The following WIPF3 variants were observed in gnomAD, a reference collection of about 807,000 sequenced individuals.
WIPF3 encodes the protein WAS/WASL interacting protein family member 3, also known as WAS/WASL-interacting protein family member 3.
A neutral mutation model predicts 38.9 loss-of-function variants in WIPF3; 33 were observed. The ratio of observed to expected loss-of-function variants is 0.85; its 90% CI spans 0.64 to 1.14. The LOEUF (loss-of-function observed/expected upper bound fraction) is 1.14, where lower values mean the gene tolerates loss of function less well. Among genes scored for constraint, WIPF3 ranks in the 50% most tolerant of loss-of-function variants. The probability of loss-of-function intolerance (pLI) is 0.00; values close to 1 mark genes in which losing one functional copy is unlikely to be tolerated. For missense variants in WIPF3, 711 were observed against 652.5 expected, an observed-to-expected ratio of 1.09 and a Z score of -0.98; for synonymous variants, 324 against 269.3, an observed-to-expected ratio of 1.20 and a Z score of -1.99.
In WIPF3 at chr7:29,866,927, G is replaced by C. The variant is rs557477031; in HGVS notation, c.91-8903G>C. On this transcript the variant is annotated intron_variant, in intron 2 of 8. Transcript: ENST00000242140. Reference sequence around the variant, plus strand: ...GTGATGAAGAAAGCCAAACTTGCCTGTACTCACTGCTCAGCTCTGTACTTG... The same window carrying C: ...GTGATGAAGAAAGCCAAACTTGCCTCTACTCACTGCTCAGCTCTGTACTTG... Among the ~76,000 whole-genome samples, 31 of 152,360 alleles carry C rather than the reference G, an allele frequency of 2.0e-4. No homozygotes were observed. The South Asian group carries it at 5.2e-3, about 25-fold the overall frequency.
intron 2 of WIPF3, among the ~76,000 whole-genome samples, chr7:29,857,691 A>C (rs371045013): frequency 3.3e-5 from 5 of 152,122 alleles, no homozygotes; most frequent in African/African-American, 1.2e-4. Context: ...ATGACTGTGG[A>C]GCTTTAATGT....
At position 29,904,313 on chromosome 7, in the gene WIPF3, CGG is replaced by C; in HGVS notation, c.1380_1381del (p.Glu461SerfsTer7). 1 of 1,613,858 alleles carries C rather than the reference CGG, an allele frequency of 6.2e-7. No individual in the cohort carries two copies. Among genetic ancestry groups the C allele is most frequent in the Non-Finnish European group, 8.5e-7 (1 of 1,179,830 alleles). The stretch of plus-strand genomic sequence containing the variant: ...CGTACACCTGGTCCCTGGCTCCAAG[CGG>C]AAGCAGTCGGGCAGAGCTCTGATGA... On this transcript the variant is annotated frameshift_variant, in exon 8 of 9. Transcript: ENST00000242140. LOFTEE classifies it high-confidence loss of function.
intron 2 of WIPF3, among the ~76,000 whole-genome samples, chr7:29,838,332 G>A (rs1036762276): frequency 2.0e-5 from 3 of 152,036 alleles, no homozygotes; most frequent in African/African-American, 7.3e-5. Context: ...GTAAAAAATG[G>A]ACCTAGTTTC....
intron 1 of WIPF3, among the ~76,000 whole-genome samples, chr7:29,825,051 C>T (rs981651237): frequency 3.3e-5 from 5 of 152,100 alleles, no homozygotes; most frequent in Middle Eastern, 3.2e-3. Context: ...TTTTGGAGTA[C>T]GTACAACGTG....
chr7:29,807,709 G>T (rs1784305190), intron 1 of WIPF3, among the ~76,000 whole-genome samples: 1 of 152,354 alleles, frequency 6.6e-6, no homozygotes, highest in Admixed American at 6.5e-5. Flanking sequence ...CACTCAGGGC[G>T]CTTTGTAACT....
chr7:29,898,008 C>A (rs561026277), intron 7 of WIPF3, among the ~76,000 whole-genome samples: 1 of 152,286 alleles, frequency 6.6e-6, no homozygotes, highest in South Asian at 2.1e-4. Flanking sequence ...TCTTAGCCAA[C>A]ACTGCCTCCA....
Position 29,883,933 on chromosome 7 carries a change from C to CT in WIPF3, c.439_440insT (p.Pro147LeufsTer98). ...AACCATCAGCGGCCCGCTTATCCCGCCTGCCTCTCCCAGGCTAGGCAATAC... is the reference window on the plus strand; with the variant it reads ...AACCATCAGCGGCCCGCTTATCCCGCTCTGCCTCTCCCAGGCTAGGCAATAC... On this transcript the variant is annotated frameshift_variant, in exon 5 of 9. Coordinates refer to ENST00000242140, the MANE Select transcript of WIPF3 (RefSeq NM_001080529.3). LOFTEE classifies it high-confidence loss of function. The CT allele has an allele frequency of 6.3e-7, 1 of 1,582,556 alleles. No homozygotes were observed. The highest frequency in any genetic ancestry group is 8.6e-7 in the Non-Finnish European group (1 of 1,164,206).
Position 29,875,864 on chromosome 7 carries a change from A to G in WIPF3, c.125A>G (p.Asp42Gly). 6.2e-7 allele frequency: 1 copy of G among 1,614,078 alleles called. No homozygotes were observed. Among genetic ancestry groups the G allele is most frequent in the Non-Finnish European group, 8.5e-7 (1 of 1,179,906 alleles). Residue 42 changes from aspartate (D) to glycine (G), a missense_variant, in exon 3 of 9, where the codon GAT becomes GGT. Coordinates refer to ENST00000242140, the MANE Select transcript of WIPF3 (RefSeq NM_001080529.3). ...GACACCTCCAGCTTGCGAAGGGCAG[A>G]TCCGAAAGGCCGGAGTGCGCTGTTG... Reference protein sequence around the residue: ...STDTSSLRRADPKGRSALLAD... With the variant: ...STDTSSLRRAGPKGRSALLAD...
intron 1 of WIPF3, among the ~76,000 whole-genome samples, chr7:29,819,994 T>C (rs1290953024): frequency 6.6e-6 from 1 of 152,098 alleles, no homozygotes; most frequent in East Asian, 1.9e-4. Flanking sequence ...TTAGAATGTA[T>C]AGTCATATAT....
chr7:29,806,880 C>G (rs1413303523), intron 1 of WIPF3, among the ~76,000 whole-genome samples: 1 of 151,374 alleles, frequency 6.6e-6, no homozygotes, highest in Non-Finnish European at 1.5e-5. Flanking sequence ...GGCGCTCACG[C>G]CCCCCACCCG....
At chr7:29,886,132 A>G (rs909979191) in intron 5 of WIPF3, among the ~76,000 whole-genome samples, 24 of 152,158 alleles carry the variant, frequency 1.6e-4, no homozygotes, top group African/African-American at 5.5e-4. Context: ...ATTTTAATCC[A>G]CGTTTTTGAT....
chr7:29,852,270 C>T (rs1785113426), intron 2 of WIPF3, among the ~76,000 whole-genome samples: 2 of 152,186 alleles, frequency 1.3e-5, no homozygotes, highest in Non-Finnish European at 2.9e-5. Flanking sequence ...CCTCCCAAAG[C>T]ATAGGCATGA....
chr7:29,891,234 G>GAACAC, intron 7 of WIPF3, among the ~76,000 whole-genome samples: 1 of 139,616 alleles, frequency 7.2e-6, no homozygotes, highest in African/African-American at 2.7e-5. Context: ...TCAGGTGGAG[G>GAACAC]GGGCGAGGGC....
At chr7:29,828,281 A>G (rs1165539592) in intron 1 of WIPF3, among the ~76,000 whole-genome samples, 2 of 152,232 alleles carry the variant, frequency 1.3e-5, no homozygotes, top group Non-Finnish European at 2.9e-5. Flanking sequence ...AATAACTCAC[A>G]AAGTGTGGTT....
chr7:29,876,772 T>A (rs1435467257), intron 3 of WIPF3, among the ~76,000 whole-genome samples: 2 of 152,176 alleles, frequency 1.3e-5, no homozygotes, highest in African/African-American at 4.8e-5. Context: ...TTTCAGAGGA[T>A]GATATGACTG....
chr7:29,851,246 C>A (rs185556612), intron 2 of WIPF3, among the ~76,000 whole-genome samples: 25 of 152,314 alleles, frequency 1.6e-4, no homozygotes, highest in Admixed American at 1.4e-3. Context: ...TTGAACCCCC[C>A]TTTCCCCAGG....
At chr7:29,841,637 C>T (rs574542010) in intron 2 of WIPF3, among the ~76,000 whole-genome samples, 1 of 152,158 alleles carries the variant, frequency 6.6e-6, no homozygotes, top group East Asian at 1.9e-4. Context: ...ATGGTGAAAC[C>T]CCATCTCTAC....
chr7:29,877,088 C>A (rs1348005540), intron 3 of WIPF3, among the ~76,000 whole-genome samples: 1 of 152,144 alleles, frequency 6.6e-6, no homozygotes, highest in Non-Finnish European at 1.5e-5. Context: ...ATGACGTTAA[C>A]CCTGAAGAAA....
intron 8 of WIPF3, chr7:29,905,760 T>C (rs529655009): frequency 2.3e-4 from 35 of 152,302 alleles, no homozygotes; most frequent in African/African-American, 7.9e-4. Flanking sequence ...TGTAAATCCC[T>C]TTCCCTCTGG....
Sources: allele counts gnomAD v4.1 joint callset (sites outside exome capture counted in the v4.1 genomes callset), GRCh38; gene constraint gnomAD v4.1.1; transcripts MANE v1.5; gene names NCBI Gene and HGNC (gene_info 2026-07-23, HGNC 2026-07-21).